COL5A1: variants seen among roughly 807,000 people sequenced by gnomAD.
COL5A1 encodes collagen alpha-1(V) chain.
Under a neutral mutation model 263.7 loss-of-function variants are expected in COL5A1, and 16 were observed. The ratio of observed to expected loss-of-function variants is 0.06; its 90% CI spans 0.04 to 0.09. The LOEUF is 0.09. COL5A1 is among the 10% of genes least tolerant of loss of function. The pLI, the probability that COL5A1 is intolerant of heterozygous loss-of-function variation, is 1.00. For synonymous variants in COL5A1, 1,012 were observed against 1,004.5 expected, an observed-to-expected ratio of 1.01 and a Z score of -0.14; for missense variants, 2,036 against 2,540.5, an observed-to-expected ratio of 0.80 and a Z score of 4.27.
At chr9:134,656,703 GATGGCTGTTATTTTAC>G (rs1035066620) in intron 1 of COL5A1, among the ~76,000 whole-genome samples, 21 of 152,040 alleles carry the variant, frequency 1.4e-4, no homozygotes, top group African/African-American at 3.9e-4. Flanking sequence ...TCTTATTAGA[GATGGCTGTTATTTTAC>G]ATGGCTGTTA....
chr9:134,642,346 G>C lies in COL5A1; in HGVS notation c.109+50G>C, dbSNP rs534248216. On this transcript the variant is annotated intron_variant, in intron 1 of 65. Coordinates refer to ENST00000371817, the MANE Select transcript of COL5A1 (RefSeq NM_000093.5). The surrounding 1 kb of genome is among the most constrained non-coding windows in gnomAD (Gnocchi z 4.5). ...CTGCGGGATGGGGCGCGCGCAGCCC[G>C]GGCGCCGCTGTCATCCCCGGGCGCC... 499 of 473,490 alleles carry C rather than the reference G, an allele frequency of 1.1e-3. 1 individual carries two copies. The highest frequency in any genetic ancestry group is 4.3e-3 in the Admixed American group (83 of 19,370). 29.3% of individuals were successfully genotyped at this position (473,490 alleles called of 1,614,324 possible). A position where few individuals can be genotyped will look rare whatever the true frequency, so the allele number is the denominator to read the frequency against.
intron 62 of COL5A1, 128 bp downstream of exon 62, chr9:134,824,983 AT>A: frequency 7.6e-7 from 1 of 1,311,348 alleles, no homozygotes; most frequent in Non-Finnish European, 1.0e-6. Flanking sequence ...CAGCCTCCCC[AT>A]CTGTGGGGCC....
Position 134,752,663 on chromosome 9 carries a change from C to G in COL5A1, c.1719+18C>G, listed in dbSNP as rs1221740561. 1 of 1,603,458 alleles carries G rather than the reference C, an allele frequency of 6.2e-7. No homozygotes were observed. The highest frequency in any genetic ancestry group is 1.3e-5 in the African/African-American group (1 of 74,750). On this transcript the variant is annotated intron_variant, in intron 14 of 65. Coordinates refer to ENST00000371817, the MANE Select transcript of COL5A1 (RefSeq NM_000093.5). ...GCCCTGTGGTAAGTCATTGGCAAATCTGAGAGCTGGGCGTGGTGTGGGGAT... is the reference window on the plus strand; with the variant it reads ...GCCCTGTGGTAAGTCATTGGCAAATGTGAGAGCTGGGCGTGGTGTGGGGAT...
intron 18 of COL5A1, 93 bp from the exon 19 acceptor site, chr9:134,761,828 TCTTA>T: frequency 1.7e-6 from 2 of 1,208,878 alleles, no homozygotes; most frequent in Non-Finnish European, 2.5e-6. Context: ...AGCTTGGGAA[TCTTA>T]CTGTCAGAAT....
intron 19 of COL5A1, among the ~76,000 whole-genome samples, chr9:134,763,354 C>T (rs1031230537): frequency 3.3e-5 from 5 of 152,232 alleles, no homozygotes; most frequent in Admixed American, 6.5e-5. Flanking sequence ...GTGACTCTCC[C>T]CTGATGCCCT....
chr9:134,735,917 C>T (rs933938350), intron 9 of COL5A1, among the ~76,000 whole-genome samples: 10 of 152,238 alleles, frequency 6.6e-5, no homozygotes, highest in African/African-American at 2.4e-4. Context: ...TCCCCCCAAC[C>T]GGGAGTCCCC....
At position 134,682,034 on chromosome 9, in the gene COL5A1, T is replaced by C. The variant is rs1277525666; in HGVS notation, c.110-8878T>C. 6.6e-6 allele frequency among the ~76,000 whole-genome samples: 1 copy of C among 152,104 alleles called. No homozygotes were observed. The highest frequency in any genetic ancestry group is 6.6e-5 in the Admixed American group (1 of 15,266). On this transcript the variant is annotated intron_variant, in intron 1 of 65. Transcript: ENST00000371817. The surrounding 1 kb of genome is among the most constrained non-coding windows in gnomAD (Gnocchi z 5.1). ...AACCCCTGATCCCCAGCTCATTCTA[T>C]CAAGTCCACCCTGGTCCCTTGGCTG...
rs1019267815 is a variant in COL5A1 at position 134,641,815 on chromosome 9, C to T, written c.-373C>T. Reference sequence around the variant, plus strand: ...CGCCGAAGGCGAGGTCCGCACTCTCCGTCCCCGCGGCTGGCGCAGGACCTC... The same window carrying T: ...CGCCGAAGGCGAGGTCCGCACTCTCTGTCCCCGCGGCTGGCGCAGGACCTC... On this transcript the variant is annotated 5_prime_UTR_variant, in exon 1 of 66. Transcript: ENST00000371817. 9.1e-5 allele frequency: 35 copies of T among 386,706 alleles called. No homozygotes were observed. Among genetic ancestry groups the T allele is most frequent in the Non-Finnish European group, 1.4e-4 (30 of 218,740 alleles). 24.0% of individuals were successfully genotyped at this position (386,706 alleles called of 1,614,324 possible).
In COL5A1 at chr9:134,696,845, C is replaced by T. The variant is rs1006429832; in HGVS notation, c.278-3064C>T. Among the ~76,000 whole-genome samples the T allele has an allele frequency of 6.6e-5, 10 of 152,002 alleles. No homozygotes were observed. The highest frequency in any genetic ancestry group is 1.3e-4 in the Admixed American group (2 of 15,256). On this transcript the variant is annotated intron_variant, in intron 2 of 65. Coordinates refer to ENST00000371817, the MANE Select transcript of COL5A1 (RefSeq NM_000093.5). The surrounding 1 kb of genome is among the most constrained non-coding windows in gnomAD (Gnocchi z 4.3). ...CAGCACTTTGGGAGGCCAAGGCAGG[C>T]GGATCACGAGGTCAGGAGATCGAGA...
intron 4 of COL5A1, chr9:134,708,565 C>T (rs752508800): frequency 1.9e-6 from 1 of 518,554 alleles, no homozygotes; most frequent in South Asian, 1.4e-5. Context: ...CTGTCTCAGG[C>T]CACCTGTGTG....
chr9:134,670,629 C>T (rs1197809428), intron 1 of COL5A1, among the ~76,000 whole-genome samples: 1 of 152,200 alleles, frequency 6.6e-6, no homozygotes, highest in Admixed American at 6.5e-5. Context: ...GCAGCACTTC[C>T]TGCTCCACAG....
At chr9:134,769,495 T>C (rs770116622) in intron 25 of COL5A1, among the ~76,000 whole-genome samples, 1 of 152,244 alleles carries the variant, frequency 6.6e-6, no homozygotes, top group African/African-American at 2.4e-5. Flanking sequence ...CATCTTGTTA[T>C]AGAAAATTAG....
At chr9:134,759,367 T>C (rs1440598558) in intron 18 of COL5A1, among the ~76,000 whole-genome samples, 14 of 112,754 alleles carry the variant, frequency 1.2e-4, no homozygotes, top group African/African-American at 3.4e-4. Context: ...CATACACAGA[T>C]GCACACACAC....
intron 4 of COL5A1, among the ~76,000 whole-genome samples, chr9:134,718,026 G>T (rs1834332561): frequency 6.6e-6 from 1 of 152,186 alleles, no homozygotes; most frequent in African/African-American, 2.4e-5. Context: ...GCGGCCACGG[G>T]AGCCTCTAAT....
intron 1 of COL5A1, among the ~76,000 whole-genome samples, chr9:134,668,534 G>A (rs1045672388): frequency 6.6e-6 from 1 of 151,302 alleles, no homozygotes; most frequent in African/African-American, 2.4e-5. Context: ...GTGTATTGGT[G>A]TCTTTACCCA....
At chr9:134,694,845 G>A (rs1833404699) in intron 2 of COL5A1, among the ~76,000 whole-genome samples, 1 of 152,136 alleles carries the variant, frequency 6.6e-6, no homozygotes, top group South Asian at 2.1e-4. Flanking sequence ...TCGCCTCACG[G>A]TGAGGTGGCC....
At chr9:134,817,885 C>T in intron 54 of COL5A1, 54 bp downstream of exon 54, 1 of 1,533,528 alleles carries the variant, frequency 6.5e-7, no homozygotes, top group Non-Finnish European at 8.9e-7. Flanking sequence ...CAGGGGAGCC[C>T]AGAGGGTGGG....
At chr9:134,675,374 T>A (rs1334965698) in intron 1 of COL5A1, among the ~76,000 whole-genome samples, 1 of 152,228 alleles carries the variant, frequency 6.6e-6, no homozygotes, top group Non-Finnish European at 1.5e-5. Flanking sequence ...TTTGTGCCAG[T>A]TTGATGGGAG....
rs1041923812 is a variant in COL5A1, at chr9:134,754,146, G to A, written c.1774-127G>A. 7.9e-6 allele frequency: 8 copies of A among 1,013,810 alleles called. No homozygotes were observed. The highest frequency in any genetic ancestry group is 7.3e-5 in the Admixed American group (4 of 54,970). The allele number at this position is 1,013,810 out of a possible 1,614,324, so 62.8% of individuals were successfully genotyped here. ...AGCAGATCCGTGTCCCGTCCCCGAA[G>A]TGCCCACATGTTTGTGGCTTGGACA... On this transcript the variant is annotated intron_variant, in intron 15 of 65. Coordinates refer to ENST00000371817, the MANE Select transcript of COL5A1 (RefSeq NM_000093.5). The surrounding 1 kb of genome is among the most constrained non-coding windows in gnomAD (Gnocchi z 4.3).
Sources: gnomAD v4.1 joint callset for allele counts (sites outside exome capture counted in the v4.1 genomes callset) on GRCh38, gnomAD v4.1.1 for gene constraint, Gnocchi (gnomAD v3.1) non-coding constraint, MANE v1.5 for transcripts, NCBI Gene and HGNC (gene_info 2026-07-23, HGNC 2026-07-21) for gene names.